ASCC3: variants seen among roughly 807,000 people sequenced by gnomAD.
ASCC3 encodes the protein ASC-1 complex subunit P200.
ASCC3 carries 158 observed loss-of-function variants against 256.3 expected under a neutral mutation model. The observed-to-expected ratio is 0.62, with a 90% CI of 0.54 to 0.70. The LOEUF (loss-of-function observed/expected upper bound fraction) is 0.70. Ranked by LOEUF, ASCC3 falls within the 30% of genes least tolerant of loss-of-function variation. The probability of loss-of-function intolerance (pLI) is 0.00; values close to 1 mark genes in which losing one functional copy is unlikely to be tolerated. For missense variants in ASCC3, 2,259 were observed against 2,626.0 expected (o/e 0.86, Z 3.05); for synonymous variants, 948 against 883.4 (o/e 1.07, Z -1.30).
intron 36 of ASCC3, among the ~76,000 whole-genome samples, chr6:100,586,620 G>C (rs937969306): frequency 3.3e-5 from 5 of 152,094 alleles, no homozygotes; most frequent in Admixed American, 6.5e-5. Flanking sequence ...GGCACTCCCT[G>C]GTGAGATGAA....
chr6:100,638,108 T>G (rs1364042112), intron 25 of ASCC3, among the ~76,000 whole-genome samples: 1 of 152,162 alleles, frequency 6.6e-6, no homozygotes, highest in Admixed American at 6.5e-5. Flanking sequence ...TGTGGCAAAC[T>G]TCATTGTCTT....
chr6:100,527,430 T>C (rs779016021), intron 37 of ASCC3, among the ~76,000 whole-genome samples: 29 of 152,212 alleles, frequency 1.9e-4, no homozygotes, highest in African/African-American at 6.5e-4. Flanking sequence ...CATTAAGGGT[T>C]TCACCAAGTA....
chr6:100,640,706 G>C (rs1165261315), intron 24 of ASCC3, among the ~76,000 whole-genome samples: 5 of 152,104 alleles, frequency 3.3e-5, no homozygotes, highest in African/African-American at 1.2e-4. Flanking sequence ...TAGATCACTA[G>C]ATACTACAAT....
intron 4 of ASCC3, among the ~76,000 whole-genome samples, chr6:100,842,317 G>C (rs1340754518): frequency 6.6e-6 from 1 of 151,968 alleles, no homozygotes; most frequent in African/African-American, 2.4e-5. Context: ...CATTAAATGA[G>C]AGGTTCTCAA....
At chr6:100,727,898 TTAAGAGTG>T (rs1779716038) in intron 10 of ASCC3, among the ~76,000 whole-genome samples, 1 of 152,080 alleles carries the variant, frequency 6.6e-6, no homozygotes, top group Non-Finnish European at 1.5e-5. Context: ...CTATACCTGC[TTAAGAGTG>T]TGGCTTACAC....
At position 100,848,712 on chromosome 6, in the gene ASCC3, T is replaced by C; in HGVS notation, c.242-5A>G. ...CTCTCCCATTATCAGTTCCAACTAT[T>C]CAAAGACAAAAGAAACAGTATTAGC... On this transcript the variant is annotated splice_polypyrimidine_tract_variant and splice_region_variant and intron_variant, in intron 3 of 41. Transcript: ENST00000369162. 6.2e-7 allele frequency: 1 copy of C among 1,610,246 alleles called. No individual in the cohort carries two copies. The highest frequency in any genetic ancestry group is 2.2e-5 in the East Asian group (1 of 44,848).
chr6:100,579,183 T>C (rs1771052569), intron 36 of ASCC3, among the ~76,000 whole-genome samples: 1 of 146,070 alleles, frequency 6.8e-6, no homozygotes, highest in South Asian at 2.4e-4. Flanking sequence ...AATGGGGTTG[T>C]TTGTTTTTTT....
chr6:100,715,240 C>CA (rs1309460433), intron 13 of ASCC3: 5 of 410,498 alleles, frequency 1.2e-5, no homozygotes, highest in Non-Finnish European at 2.2e-5. Flanking sequence ...AAATGGCAAA[C>CA]AAAATAGCAC....
chr6:100,718,322 T>C (rs1779177120), intron 11 of ASCC3, 71 bp from the exon 12 acceptor site: 1 of 1,318,998 alleles, frequency 7.6e-7, no homozygotes. Context: ...TAATTTGTCC[T>C]ATTAATAGGA....
chr6:100,626,203 C>T (rs1189210897), intron 29 of ASCC3, among the ~76,000 whole-genome samples: 1 of 151,854 alleles, frequency 6.6e-6, no homozygotes, highest in Non-Finnish European at 1.5e-5. Flanking sequence ...TGATAAGATG[C>T]CACGAGTAGA....
intron 4 of ASCC3, among the ~76,000 whole-genome samples, chr6:100,815,093 C>T (rs1770675096): frequency 6.6e-6 from 1 of 151,904 alleles, no homozygotes; most frequent in Non-Finnish European, 1.5e-5. Flanking sequence ...AATAAACATA[C>T]AAAAATAACT....
chr6:100,616,007 T>A (rs1490292936), intron 30 of ASCC3, among the ~76,000 whole-genome samples: 1 of 152,240 alleles, frequency 6.6e-6, no homozygotes, highest in Non-Finnish European at 1.5e-5. Flanking sequence ...TTAGAAATGA[T>A]GTTGTTATCC....
chr6:100,797,971 G>C, intron 8 of ASCC3, among the ~76,000 whole-genome samples: 1 of 152,082 alleles, frequency 6.6e-6, no homozygotes, highest in East Asian at 1.9e-4. Flanking sequence ...TTTTGTAAAA[G>C]AAAATACATA....
intron 4 of ASCC3, among the ~76,000 whole-genome samples, chr6:100,828,665 A>G (rs1056168545): frequency 2.0e-5 from 3 of 152,068 alleles, no homozygotes; most frequent in African/African-American, 7.2e-5. Flanking sequence ...AAGGCGGTGC[A>G]TCTGGAGTTG....
chr6:100,673,958 G>A (rs752584089), intron 14 of ASCC3, among the ~76,000 whole-genome samples: 4 of 152,022 alleles, frequency 2.6e-5, no homozygotes, highest in Non-Finnish European at 4.4e-5. Context: ...TCCTTTCCCT[G>A]TTGCTGCCTA....
intron 10 of ASCC3, among the ~76,000 whole-genome samples, chr6:100,739,690 T>A (rs1222994676): frequency 2.0e-5 from 3 of 152,228 alleles, no homozygotes; most frequent in African/African-American, 4.8e-5. Context: ...CAGGAACTTA[T>A]CTGCTTCTTC....
chr6:100,760,029 C>T (rs1215865585), intron 10 of ASCC3, among the ~76,000 whole-genome samples: 1 of 152,032 alleles, frequency 6.6e-6, no homozygotes, highest in Admixed American at 6.6e-5. Flanking sequence ...GCCCAAGTTG[C>T]TTATTAGTTT....
At chr6:100,622,758 C>T (rs1001313627) in intron 30 of ASCC3, among the ~76,000 whole-genome samples, 12 of 151,708 alleles carry the variant, frequency 7.9e-5, no homozygotes, top group African/African-American at 2.9e-4. Flanking sequence ...GCAGAAACCA[C>T]GAGAGTATAT....
At chr6:100,759,140 C>A (rs1474690076) in intron 10 of ASCC3, among the ~76,000 whole-genome samples, 1 of 152,102 alleles carries the variant, frequency 6.6e-6, no homozygotes, top group Non-Finnish European at 1.5e-5. Flanking sequence ...GGATATTAGA[C>A]CTTTGTCAGA....
Sources: allele counts gnomAD v4.1 joint callset (sites outside exome capture counted in the v4.1 genomes callset), GRCh38; gene constraint gnomAD v4.1.1; transcripts MANE v1.5; gene names NCBI Gene and HGNC (gene_info 2026-07-23, HGNC 2026-07-21).